The following MRC1 variants were observed in gnomAD, a reference collection of about 807,000 sequenced individuals.
MRC1 encodes mannose receptor C-type 1.
MRC1 carries 62 observed loss-of-function variants against 102.9 expected under a neutral mutation model. The ratio of observed to expected loss-of-function variants is 0.60; its 90% confidence interval spans 0.49 to 0.74. The LOEUF is 0.74. Ranked by LOEUF, MRC1 falls within the 30% of genes least tolerant of loss-of-function variation. The pLI is 0.00. For missense variants in MRC1, 1,237 were observed against 862.8 expected, an observed-to-expected ratio of 1.43 and a Z score of -5.43; for synonymous variants, 457 against 298.4, an observed-to-expected ratio of 1.53 and a Z score of -5.48.
chr10:17,852,078 T>A (rs1016640475), intron 7 of MRC1, among the ~76,000 whole-genome samples: 17 of 152,222 alleles, frequency 1.1e-4, no homozygotes, highest in African/African-American at 4.1e-4. Context: ...TAACTTTTTT[T>A]AATTTAGACA....
At chr10:17,868,852 A>C (rs995328563) in intron 12 of MRC1, among the ~76,000 whole-genome samples, 29 of 152,344 alleles carry the variant, frequency 1.9e-4, no homozygotes, top group African/African-American at 5.8e-4. Flanking sequence ...ATAGAAGGCG[A>C]TGTATTGGGC....
intron 18 of MRC1, among the ~76,000 whole-genome samples, chr10:17,878,612 G>A (rs1274597551): frequency 6.6e-6 from 1 of 151,984 alleles, no homozygotes; most frequent in Non-Finnish European, 1.5e-5. Flanking sequence ...CATGTTCCAG[G>A]GGACTGCTAT....
intron 14 of MRC1, 91 bp from the exon 15 acceptor site, chr10:17,871,891 C>A: frequency 1.4e-6 from 1 of 723,870 alleles, no homozygotes; most frequent in Non-Finnish European, 2.5e-6. Flanking sequence ...TAAAACAATG[C>A]AAACATATCT....
intron 4 of MRC1, among the ~76,000 whole-genome samples, chr10:17,839,361 T>A (rs1838716351): frequency 1.3e-5 from 2 of 152,228 alleles, no homozygotes; most frequent in Non-Finnish European, 2.9e-5. Context: ...TTAAGTTTTT[T>A]AAAATCCCTG....
At position 17,911,038 on chromosome 10, in the gene MRC1, G is replaced by A. The variant is rs1490260129; in HGVS notation, c.*573G>A. The A allele has an allele frequency of 6.2e-6, 1 of 162,358 alleles. No individual in the cohort carries two copies. Among genetic ancestry groups the A allele is most frequent in the Non-Finnish European group, 1.4e-5 (1 of 73,322 alleles). 10.1% of individuals were successfully genotyped at this position (162,358 alleles called of 1,614,324 possible). On this transcript the variant is annotated 3_prime_UTR_variant, in exon 30 of 30. Coordinates refer to ENST00000569591, the MANE Select transcript of MRC1 (RefSeq NM_002438.4). ...GTTTTACAGGCTGAGTGTTGCAAATGTGTTCTTTGTCCTGTTATATGTATA... is the reference window on the plus strand; with the variant it reads ...GTTTTACAGGCTGAGTGTTGCAAATATGTTCTTTGTCCTGTTATATGTATA...
chr10:17,870,340 A>G lies in MRC1; in HGVS notation c.2078A>G (p.Lys693Arg), dbSNP rs2130675424. ...LGGDLASINN[K>R]EEQQTIWRLI... The stretch of plus-strand genomic sequence containing the variant: ...GGAGACTTAGCTAGCATCAATAACA[A>G]AGAGGAACAGCAAACAATATGGCGA... The change falls in exon 13 of 30, where the codon AAA becomes AGA. Residue 693 changes from lysine (K) to arginine (R), a missense_variant. Transcript: ENST00000569591. 1.3e-6 allele frequency: 1 copy of G among 780,476 alleles called. No homozygotes were observed. Among genetic ancestry groups the G allele is most frequent in the South Asian group, 1.3e-5 (1 of 74,602 alleles). The allele number at this position is 780,476 out of a possible 1,614,324, so 48.3% of individuals were successfully genotyped here.
chr10:17,872,218 C>G, intron 15 of MRC1, 92 bp downstream of exon 15: 2 of 775,514 alleles, frequency 2.6e-6, no homozygotes, highest in Non-Finnish European at 4.8e-6. Flanking sequence ...AGCAAACAAA[C>G]AAAATAACAA....
intron 1 of MRC1, among the ~76,000 whole-genome samples, chr10:17,815,327 C>T (rs1838294417): frequency 6.6e-6 from 1 of 152,170 alleles, no homozygotes; most frequent in African/African-American, 2.4e-5. Flanking sequence ...ATGATACATA[C>T]ATAAGGTGAA....
At chr10:17,853,943 G>T (rs899245967) in intron 8 of MRC1, among the ~76,000 whole-genome samples, 2 of 151,228 alleles carry the variant, frequency 1.3e-5, no homozygotes, top group Middle Eastern at 3.5e-3. Flanking sequence ...TGGATATGAG[G>T]TTTTTTTTTT....
At chr10:17,874,461 C>T (rs1312141219) in intron 16 of MRC1, among the ~76,000 whole-genome samples, 2 of 152,174 alleles carry the variant, frequency 1.3e-5, no homozygotes, top group African/African-American at 4.8e-5. Context: ...CAAGATAACC[C>T]TCCTATCTCA....
intron 11 of MRC1, among the ~76,000 whole-genome samples, chr10:17,866,255 G>T (rs1833264959): frequency 2.1e-5 from 3 of 142,250 alleles, no homozygotes; most frequent in Non-Finnish European, 4.8e-5. Context: ...AGAAAGCAGA[G>T]AAAACCAGAA....
At chr10:17,821,363 G>A (rs1271567985) in intron 1 of MRC1, among the ~76,000 whole-genome samples, 4 of 152,140 alleles carry the variant, frequency 2.6e-5, no homozygotes, top group African/African-American at 9.7e-5. Flanking sequence ...TTTTCAGCTT[G>A]TTTTTGCATT....
At chr10:17,836,592 T>C (rs1446630972) in intron 4 of MRC1, among the ~76,000 whole-genome samples, 4 of 152,144 alleles carry the variant, frequency 2.6e-5, no homozygotes, top group Non-Finnish European at 5.9e-5. Flanking sequence ...CCCATCACTT[T>C]GGGAGGCCGA....
chr10:17,869,580 A>C (rs1378093267), intron 12 of MRC1, among the ~76,000 whole-genome samples: 2 of 152,114 alleles, frequency 1.3e-5, no homozygotes, highest in African/African-American at 4.8e-5. Flanking sequence ...GCATTTCACT[A>C]TTCTCTGCAG....
chr10:17,822,991 C>T (rs1284587950), intron 1 of MRC1, 83 bp from the exon 2 acceptor site: 3 of 748,864 alleles, frequency 4.0e-6, no homozygotes, highest in Admixed American at 3.8e-5. Context: ...AAACTTTTGA[C>T]CTAAAAGATC....
intron 23 of MRC1, among the ~76,000 whole-genome samples, chr10:17,895,476 T>A (rs1833741830): frequency 6.6e-6 from 1 of 152,100 alleles, no homozygotes; most frequent in African/African-American, 2.4e-5. Flanking sequence ...AGAATAGGAA[T>A]ACCTCCCTTT....
intron 11 of MRC1, among the ~76,000 whole-genome samples, chr10:17,864,189 G>C (rs943534703): frequency 0.039 from 5,900 of 152,090 alleles, 399 homozygotes; most frequent in African/African-American, 0.13. Flanking sequence ...TTTTAGTAGA[G>C]ATGGGGTTTC....
chr10:17,813,624 C>T (rs1003072942), intron 1 of MRC1, among the ~76,000 whole-genome samples: 11 of 145,278 alleles, frequency 7.6e-5, no homozygotes, highest in African/African-American at 2.8e-4. Flanking sequence ...GAACATAGGG[C>T]TAGATTTTAT....
chr10:17,894,164 C>T (rs1174307164), intron 22 of MRC1, 46 bp from the exon 23 acceptor site: 108 of 866,258 alleles, frequency 1.2e-4, no homozygotes, highest in Admixed American at 7.6e-4. Context: ...TTTCAATAGT[C>T]GTTGATTCAT....
Sources: gnomAD v4.1 joint callset for allele counts (sites outside exome capture counted in the v4.1 genomes callset) on GRCh38, gnomAD v4.1.1 for gene constraint, MANE v1.5 for transcripts, NCBI Gene and HGNC (gene_info 2026-07-23, HGNC 2026-07-21) for gene names.